The following ARHGAP15 variants were observed in gnomAD, a reference collection of about 807,000 sequenced individuals.
ARHGAP15 encodes the protein rho GTPase-activating protein 15.
A neutral mutation model predicts 63.7 loss-of-function variants in ARHGAP15; 51 were observed. The observed-to-expected ratio is 0.80, with a 90% confidence interval of 0.64 to 1.01. The LOEUF (loss-of-function observed/expected upper bound fraction) is 1.01. Ranked by LOEUF, ARHGAP15 falls within the 50% of genes least tolerant of loss-of-function variation. ARHGAP15 has a pLI of 0.00. For synonymous variants in ARHGAP15, 191 were observed against 193.8 expected (o/e 0.99, Z 0.12); for missense variants, 560 against 564.6 (o/e 0.99, Z 0.08).
chr2:143,471,044 C>CAT (rs1691525257), intron 8 of ARHGAP15, among the ~76,000 whole-genome samples: 1 of 148,154 alleles, frequency 6.7e-6, no homozygotes, highest in African/African-American at 2.5e-5. Context: ...TATGCACACA[C>CAT]ACATGTGTGC....
At chr2:143,361,707 T>C (rs1277817879) in intron 6 of ARHGAP15, among the ~76,000 whole-genome samples, 2 of 152,204 alleles carry the variant, frequency 1.3e-5, no homozygotes, top group Non-Finnish European at 2.9e-5. Flanking sequence ...CTGCTTCCTC[T>C]TCTTTAGTTC....
intron 6 of ARHGAP15, among the ~76,000 whole-genome samples, chr2:143,346,202 T>A (rs13401539): frequency 1.1e-4 from 15 of 133,408 alleles, no homozygotes; most frequent in South Asian, 2.5e-4. Flanking sequence ...ACTCTCTCTC[T>A]CACACACACA....
At chr2:143,412,215 T>A (rs1347380304) in intron 6 of ARHGAP15, among the ~76,000 whole-genome samples, 1 of 152,184 alleles carries the variant, frequency 6.6e-6, no homozygotes, top group Non-Finnish European at 1.5e-5. Context: ...CTCTATGTCG[T>A]GTTTTTAAGA....
intron 11 of ARHGAP15, among the ~76,000 whole-genome samples, chr2:143,594,073 TG>T (rs1423291814): frequency 1.3e-5 from 2 of 152,310 alleles, no homozygotes; most frequent in African/African-American, 4.8e-5. Flanking sequence ...TATATATGTG[TG>T]TGCATGTGTG....
chr2:143,157,245 T>C (rs1170173164), intron 2 of ARHGAP15, among the ~76,000 whole-genome samples: 6 of 151,970 alleles, frequency 3.9e-5, no homozygotes, highest in South Asian at 4.1e-4. Flanking sequence ...CCTTGACTGA[T>C]GCCTCTTGTA....
chr2:143,602,187 C>T (rs1024465368), intron 11 of ARHGAP15, among the ~76,000 whole-genome samples: 5 of 152,034 alleles, frequency 3.3e-5, no homozygotes, highest in East Asian at 1.9e-4. Context: ...GTCATGTACA[C>T]GTTACAAAAA....
intron 12 of ARHGAP15, among the ~76,000 whole-genome samples, chr2:143,634,240 T>C (rs1239761354): frequency 6.6e-6 from 1 of 152,036 alleles, no homozygotes; most frequent in African/African-American, 2.4e-5. Context: ...GAACACACTC[T>C]CCCAGATTGC....
At chr2:143,145,839 GGTGTGTGTGTGTGTGTGT>G (rs4008348) in intron 1 of ARHGAP15, among the ~76,000 whole-genome samples, 10 of 142,826 alleles carry the variant, frequency 7.0e-5, no homozygotes, top group African/African-American at 1.0e-4. Context: ...TATGTATAGG[GGTGTGTGTGTGTGTGTGT>G]GTGTGTGTGT....
intron 12 of ARHGAP15, among the ~76,000 whole-genome samples, chr2:143,695,583 C>A (rs1683805222): frequency 6.6e-6 from 1 of 152,128 alleles, no homozygotes; most frequent in African/African-American, 2.4e-5. Context: ...TTAAAAGTTA[C>A]TTAAGCAGGA....
intron 6 of ARHGAP15, among the ~76,000 whole-genome samples, chr2:143,256,394 C>A (rs970302456): frequency 6.6e-6 from 1 of 152,022 alleles, no homozygotes; most frequent in African/African-American, 2.4e-5. Context: ...ACATGAAAAT[C>A]TTTTTATTGT....
chr2:143,437,895 G>T (rs1463613979), intron 8 of ARHGAP15, among the ~76,000 whole-genome samples: 2 of 152,022 alleles, frequency 1.3e-5, no homozygotes. Flanking sequence ...ATGGTGGCAC[G>T]TGCCTGTAAT....
chr2:143,283,448 A>T (rs1460557230), intron 6 of ARHGAP15, among the ~76,000 whole-genome samples: 1 of 152,176 alleles, frequency 6.6e-6, no homozygotes, highest in Non-Finnish European at 1.5e-5. Context: ...AATTTTACAA[A>T]ATAGCAACAT....
chr2:143,463,329 G>T (rs1454187255), intron 8 of ARHGAP15, among the ~76,000 whole-genome samples: 1 of 152,066 alleles, frequency 6.6e-6, no homozygotes, highest in Non-Finnish European at 1.5e-5. Context: ...ATCACTTGAG[G>T]TCAAAAGTTT....
chr2:143,490,954 C>G (rs145486463), intron 9 of ARHGAP15, among the ~76,000 whole-genome samples: 1,947 of 152,164 alleles, frequency 0.013, 37 homozygotes, highest in African/African-American at 0.044. Context: ...TTTAATATGA[C>G]TAAAGAGAAG....
At chr2:143,733,159 T>C (rs1685612192) in intron 13 of ARHGAP15, among the ~76,000 whole-genome samples, 3 of 152,154 alleles carry the variant, frequency 2.0e-5, no homozygotes, top group South Asian at 2.1e-4. Context: ...GGATGAGCCA[T>C]GGTCAGGAGG....
At chr2:143,497,248 G>T (rs560348734) in intron 9 of ARHGAP15, among the ~76,000 whole-genome samples, 20 of 152,122 alleles carry the variant, frequency 1.3e-4, no homozygotes, top group African/African-American at 4.3e-4. Flanking sequence ...ATGTGCTCTC[G>T]AAAGCATATC....
rs553727942 is a variant in ARHGAP15 at position 143,540,088 on chromosome 2, G to A, written c.926-16320G>A. Among the ~76,000 whole-genome samples, 7 of 152,240 alleles carry A rather than the reference G, an allele frequency of 4.6e-5. No individual in the cohort carries two copies. In the East Asian group the frequency reaches 1.4e-3, roughly 29 times the overall value. Reference sequence around the variant, plus strand: ...CCTGTATTGGGTGCATATATATTTAGGATAGTTAGTTCTTCTTGTTGAATT... The same window carrying A: ...CCTGTATTGGGTGCATATATATTTAAGATAGTTAGTTCTTCTTGTTGAATT... On this transcript the variant is annotated intron_variant, in intron 10 of 13. Transcript: ENST00000295095.
intron 6 of ARHGAP15, among the ~76,000 whole-genome samples, chr2:143,311,120 C>T (rs1683427307): frequency 6.6e-6 from 1 of 151,892 alleles, no homozygotes; most frequent in African/African-American, 2.4e-5. Flanking sequence ...TAACCTTATA[C>T]AAAAGATTCA....
chr2:143,761,886 C>T (rs116614836), intron 13 of ARHGAP15, among the ~76,000 whole-genome samples: 2,424 of 152,152 alleles, frequency 0.016, 66 homozygotes, highest in African/African-American at 0.055. Context: ...CACTTCTCAG[C>T]TCCTGTTAGA....
Sources: allele counts gnomAD v4.1 joint callset (sites outside exome capture counted in the v4.1 genomes callset), GRCh38; gene constraint gnomAD v4.1.1; transcripts MANE v1.5; gene names NCBI Gene and HGNC (gene_info 2026-07-23, HGNC 2026-07-21).